OPCML: variants seen among roughly 807,000 people sequenced by gnomAD.
OPCML encodes the protein opioid-binding protein/cell adhesion molecule.
OPCML carries 13 observed loss-of-function variants against 37.8 expected under a neutral mutation model. That is an observed-to-expected ratio of 0.34 (90% CI 0.22 to 0.55). The LOEUF is 0.55. Among genes scored for constraint, OPCML ranks in the 20% least tolerant of loss-of-function variants. The pLI is 0.91. For synonymous variants in OPCML, 176 were observed against 168.8 expected, an observed-to-expected ratio of 1.04 and a Z score of -0.33; for missense variants, 341 against 435.6, an observed-to-expected ratio of 0.78 and a Z score of 1.93.
At chr11:132,930,791 G>A (rs1422173760) in intron 2 of OPCML, among the ~76,000 whole-genome samples, 2 of 152,106 alleles carry the variant, frequency 1.3e-5, no homozygotes, top group African/African-American at 4.8e-5. Context: ...ATCTACCCAT[G>A]CCATTGAAAT....
chr11:132,565,029 A>C (rs915577009), intron 3 of OPCML, among the ~76,000 whole-genome samples: 1 of 152,220 alleles, frequency 6.6e-6, no homozygotes, highest in African/African-American at 2.4e-5. Context: ...AGAAGAGGTA[A>C]GTGAAAGGGC....
chr11:133,077,147 T>G (rs888168293), intron 1 of OPCML, among the ~76,000 whole-genome samples: 2 of 152,050 alleles, frequency 1.3e-5, no homozygotes, highest in Non-Finnish European at 2.9e-5. Context: ...TTCTGAGCTT[T>G]GCTTATGGCT....
chr11:132,491,560 A>T (rs908705448), intron 4 of OPCML, among the ~76,000 whole-genome samples: 2 of 152,170 alleles, frequency 1.3e-5, no homozygotes, highest in African/African-American at 4.8e-5. Context: ...ATTAACTGGA[A>T]TTCCACCCAC....
At chr11:132,660,546 T>C (rs1312275852) in intron 2 of OPCML, among the ~76,000 whole-genome samples, 1 of 152,212 alleles carries the variant, frequency 6.6e-6, no homozygotes, top group East Asian at 1.9e-4. Context: ...AAAGATGTTA[T>C]TCTTTTACTG....
rs1406747858 is a variant in OPCML, at chr11:133,211,092, A to G, written c.62-268082T>C. On this transcript the variant is annotated intron_variant, in intron 1 of 7. Coordinates refer to ENST00000524381, the MANE Select transcript of OPCML (RefSeq NM_001012393.5). The surrounding 1 kb of genome is among the most constrained non-coding windows in gnomAD (Gnocchi z 4.1). Reference sequence around the variant, plus strand: ...AATGAAATGAGGCATCATTCAAAACAGAGGCTTGCCCACTGCAACTCAGCT... The same window carrying G: ...AATGAAATGAGGCATCATTCAAAACGGAGGCTTGCCCACTGCAACTCAGCT... 6.6e-6 allele frequency among the ~76,000 whole-genome samples: 1 copy of G among 152,240 alleles called. No individual in the cohort carries two copies. The highest frequency in any genetic ancestry group is 1.5e-5 in the Non-Finnish European group (1 of 68,038).
At chr11:133,420,847 T>C in intron 1 of OPCML, 3 of 985,434 alleles carry the variant, frequency 3.0e-6, no homozygotes, top group Non-Finnish European at 3.6e-6. Context: ...CAAAATATTA[T>C]TGGTCCTGGC....
intron 2 of OPCML, among the ~76,000 whole-genome samples, chr11:132,800,140 C>A (rs1938559658): frequency 6.6e-6 from 1 of 152,032 alleles, no homozygotes; most frequent in South Asian, 2.1e-4. Flanking sequence ...GTTTTCACTT[C>A]TTTTATTGTG....
chr11:132,438,207 T>C (rs1190643254), intron 4 of OPCML, among the ~76,000 whole-genome samples: 1 of 152,210 alleles, frequency 6.6e-6, no homozygotes, highest in Non-Finnish European at 1.5e-5. Context: ...CCCCTTATCT[T>C]ACTCCCTGTG....
In OPCML at chr11:133,001,387, T is replaced by C. The variant is rs73588508; in HGVS notation, c.62-58377A>G. Among the ~76,000 whole-genome samples the C allele has an allele frequency of 7.8e-3, 1,185 of 152,266 alleles. 11 individuals carry two copies. The highest frequency in any genetic ancestry group is 0.027 in the African/African-American group (1,109 of 41,564). The stretch of plus-strand genomic sequence containing the variant: ...AAGAACTGGTCTCTGGTTTTTAAGC[T>C]AAACTGATAGAAGGAATCTCAGCAA... On this transcript the variant is annotated intron_variant, in intron 1 of 7. Coordinates refer to ENST00000524381, the MANE Select transcript of OPCML (RefSeq NM_001012393.5).
intron 2 of OPCML, among the ~76,000 whole-genome samples, chr11:132,734,166 C>T (rs1320338511): frequency 6.6e-6 from 1 of 152,086 alleles, no homozygotes; most frequent in South Asian, 2.1e-4. Context: ...CATATACACA[C>T]AATGGAGCTT....
chr11:133,170,663 A>G (rs574835406), intron 1 of OPCML, among the ~76,000 whole-genome samples: 1 of 152,202 alleles, frequency 6.6e-6, no homozygotes, highest in African/African-American at 2.4e-5. Context: ...AGACATATGT[A>G]ATGTAAAGAA....
In OPCML at chr11:132,458,727, A is replaced by G. The variant is rs114922136; in HGVS notation, c.506-21368T>C. ...CGATGAAAAATAAATATTTTCCAAC[A>G]TAAAGATCAGTAAAGACAGTTTTGA... is the stretch of plus-strand genomic sequence containing the variant. On this transcript the variant is annotated intron_variant, in intron 4 of 7. Transcript: ENST00000524381. 8.3e-3 allele frequency among the ~76,000 whole-genome samples: 1,264 copies of G among 152,330 alleles called. 16 individuals carry two copies. Among genetic ancestry groups the G allele is most frequent in the African/African-American group, 0.029 (1,195 of 41,572 alleles).
rs76694399 is a variant in OPCML at position 133,250,643 on chromosome 11, G to A, written c.61+281621C>T. Among the ~76,000 whole-genome samples, 1,105 of 152,162 alleles carry A rather than the reference G, an allele frequency of 7.3e-3. 12 individuals are homozygous for A. The highest frequency in any genetic ancestry group is 0.024 in the African/African-American group (1,003 of 41,500). On this transcript the variant is annotated intron_variant, in intron 1 of 7. Transcript: ENST00000524381. Reference sequence around the variant, plus strand: ...AGTTTATTGTGACAATGAGTGAAGAGAGTAAGACAAAAAATCATCTTAATC... The same window carrying A: ...AGTTTATTGTGACAATGAGTGAAGAAAGTAAGACAAAAAATCATCTTAATC...
chr11:133,468,748 C>T (rs1406674202), intron 1 of OPCML, among the ~76,000 whole-genome samples: 1 of 152,186 alleles, frequency 6.6e-6, no homozygotes, highest in Non-Finnish European at 1.5e-5. Context: ...TTCACAAACA[C>T]TCTGTTCATT....
intron 1 of OPCML, among the ~76,000 whole-genome samples, chr11:133,330,939 T>A (rs1016279569): frequency 6.6e-6 from 1 of 152,196 alleles, no homozygotes; most frequent in Non-Finnish European, 1.5e-5. Flanking sequence ...TTCAAAGAAG[T>A]TAATAAAATT....
chr11:132,849,588 A>G (rs527403965), intron 2 of OPCML, among the ~76,000 whole-genome samples: 175 of 152,364 alleles, frequency 1.1e-3, no homozygotes, highest in African/African-American at 4.1e-3. Flanking sequence ...CTGTTATTTT[A>G]TACTGAGGAC....
chr11:133,213,153 C>T (rs773492153), intron 1 of OPCML, among the ~76,000 whole-genome samples: 2 of 151,728 alleles, frequency 1.3e-5, no homozygotes, highest in Non-Finnish European at 2.9e-5. Flanking sequence ...TGAACCCACA[C>T]ACCCTGATGA....
At chr11:133,228,008 A>C (rs1359782184) in intron 1 of OPCML, among the ~76,000 whole-genome samples, 3 of 152,172 alleles carry the variant, frequency 2.0e-5, no homozygotes, top group African/African-American at 7.2e-5. Context: ...CTCTGCCCTG[A>C]GAGCTGGGGC....
At chr11:133,000,863 G>A (rs1452824299) in intron 1 of OPCML, among the ~76,000 whole-genome samples, 1 of 152,174 alleles carries the variant, frequency 6.6e-6, no homozygotes, top group African/African-American at 2.4e-5. Context: ...GAATGATCTG[G>A]TGCCATCCTC....
Sources: gnomAD v4.1 joint callset for allele counts (sites outside exome capture counted in the v4.1 genomes callset) on GRCh38, gnomAD v4.1.1 for gene constraint, Gnocchi (gnomAD v3.1) non-coding constraint, MANE v1.5 for transcripts, NCBI Gene and HGNC (gene_info 2026-07-23, HGNC 2026-07-21) for gene names.